Variants in HMCN1 observed in about 807,000 individuals in gnomAD.
The protein encoded by HMCN1 is hemicentin-1.
Under a neutral mutation model 625.9 loss-of-function variants are expected in HMCN1, and 321 were observed. The observed-to-expected ratio is 0.51, with a 90% confidence interval of 0.47 to 0.56. HMCN1 has a LOEUF of 0.56. Ranked by LOEUF, HMCN1 falls within the 20% of genes least tolerant of loss-of-function variation. The probability of loss-of-function intolerance (pLI) is 0.00; values close to 1 mark genes in which losing one functional copy is unlikely to be tolerated. For synonymous variants in HMCN1, 2,425 were observed against 2,417.6 expected (o/e 1.00, Z -0.09); for missense variants, 6,588 against 6,887.3 (o/e 0.96, Z 1.54).
At chr1:185,972,898 A>C (rs1282598710) in intron 15 of HMCN1, among the ~76,000 whole-genome samples, 1 of 152,146 alleles carries the variant, frequency 6.6e-6, no homozygotes, top group Non-Finnish European at 1.5e-5. Context: ...GTCTGTTCAC[A>C]TCACACTATT....
chr1:185,816,677 C>T (rs1659863258), intron 1 of HMCN1, among the ~76,000 whole-genome samples: 1 of 152,110 alleles, frequency 6.6e-6, no homozygotes, highest in Non-Finnish European at 1.5e-5. Context: ...AACTAATGCC[C>T]CAATGTGGGG....
intron 91 of HMCN1, among the ~76,000 whole-genome samples, chr1:186,145,050 G>A (rs1650226296): frequency 6.6e-6 from 1 of 152,212 alleles, no homozygotes; most frequent in Admixed American, 6.5e-5. Context: ...TTAGACCCTT[G>A]CAGCAACTTG....
chr1:185,769,904 GA>G, intron 1 of HMCN1, among the ~76,000 whole-genome samples: 1 of 152,234 alleles, frequency 6.6e-6, no homozygotes, highest in African/African-American at 2.4e-5. Flanking sequence ...AGGGAAGTGT[GA>G]AAACCCTCTT....
rs1163192575 is a variant in HMCN1 at position 186,117,006 on chromosome 1, A to T, written c.11574A>T (p.Ser3858=). The change falls in exon 76 of 107, where the codon TCA becomes TCT. Residue 3858 remains serine, a synonymous_variant. Transcript: ENST00000271588. The part of the protein sequence containing the change: ...QNQNSYRLLS[S]GSLVIISPSV... ...ATGTGTCTTCTAGGCTCCTTTCTTC[A>T]GGTTCACTAGTAATTATTTCCCCTT... The T allele has an allele frequency of 6.2e-7, 1 of 1,613,062 alleles. No individual in the cohort carries two copies. Among genetic ancestry groups the T allele is most frequent in the Middle Eastern group, 1.7e-4 (1 of 6,058 alleles).
chr1:186,094,957 G>T (rs1660050544), intron 67 of HMCN1, among the ~76,000 whole-genome samples: 1 of 152,054 alleles, frequency 6.6e-6, no homozygotes, highest in African/African-American at 2.4e-5. Context: ...ATTACAACAA[G>T]TTAAAGGGAT....
At chr1:186,034,860 G>C (rs1571752136) in intron 36 of HMCN1, among the ~76,000 whole-genome samples, 2 of 152,156 alleles carry the variant, frequency 1.3e-5, no homozygotes, top group South Asian at 4.1e-4. Context: ...TAGTGGAGGA[G>C]TAGATTTTTT....
intron 68 of HMCN1, among the ~76,000 whole-genome samples, chr1:186,098,982 G>A (rs1171344562): frequency 6.6e-6 from 1 of 152,108 alleles, no homozygotes; most frequent in Non-Finnish European, 1.5e-5. Context: ...TGATCTCATA[G>A]AAGTAGTGAA....
intron 4 of HMCN1, among the ~76,000 whole-genome samples, chr1:185,873,171 T>C (rs557648726): frequency 8.6e-4 from 131 of 152,160 alleles, no homozygotes; most frequent in Non-Finnish European, 1.6e-3. Flanking sequence ...CTAAATAAAA[T>C]ATCAAGTTTG....
At chr1:185,997,977 C>G (rs1652925293) in intron 25 of HMCN1, among the ~76,000 whole-genome samples, 1 of 152,044 alleles carries the variant, frequency 6.6e-6, no homozygotes, top group Non-Finnish European at 1.5e-5. Context: ...ACTGGTAATT[C>G]TAGGGCCAGC....
intron 4 of HMCN1, among the ~76,000 whole-genome samples, chr1:185,889,339 A>G (rs1382349867): frequency 2.8e-4 from 40 of 145,432 alleles, no homozygotes; most frequent in African/African-American, 1.1e-3. Flanking sequence ...AGAACTTCCA[A>G]CACTATGTTG....
intron 40 of HMCN1, among the ~76,000 whole-genome samples, chr1:186,043,328 G>C (rs976359027): frequency 6.6e-6 from 1 of 152,008 alleles, no homozygotes; most frequent in African/African-American, 2.4e-5. Context: ...TTGGAAATGA[G>C]AGACAGGACA....
chr1:186,185,382 C>T (rs1653225080), intron 105 of HMCN1, among the ~76,000 whole-genome samples: 1 of 152,166 alleles, frequency 6.6e-6, no homozygotes, highest in African/African-American at 2.4e-5. Context: ...TTTCAAGTCA[C>T]TGAGACAATC....
chr1:186,170,789 T>C (rs1227065501), intron 100 of HMCN1, among the ~76,000 whole-genome samples: 1 of 151,946 alleles, frequency 6.6e-6, no homozygotes, highest in Non-Finnish European at 1.5e-5. Flanking sequence ...GTTTGAGGAG[T>C]TCATGCCTGC....
intron 4 of HMCN1, among the ~76,000 whole-genome samples, chr1:185,885,593 T>C (rs559255937): frequency 1.3e-5 from 2 of 152,084 alleles, no homozygotes; most frequent in East Asian, 3.9e-4. Context: ...TATGTTTCTA[T>C]ATTCAGTCCT....
At chr1:185,959,749 C>T (rs994544422) in intron 11 of HMCN1, among the ~76,000 whole-genome samples, 21 of 152,110 alleles carry the variant, frequency 1.4e-4, no homozygotes, top group South Asian at 1.0e-3. Flanking sequence ...AATTGAACTC[C>T]GGACTTCTAA....
Position 185,974,548 on chromosome 1 carries a change from G to C in HMCN1, c.2372-3239G>C, listed in dbSNP as rs142560326. 5.7e-3 allele frequency among the ~76,000 whole-genome samples: 860 copies of C among 152,206 alleles called. 7 individuals carry two copies. The highest frequency in any genetic ancestry group is 0.016 in the African/African-American group (668 of 41,546). On this transcript the variant is annotated intron_variant, in intron 15 of 106. Coordinates refer to ENST00000271588, the MANE Select transcript of HMCN1 (RefSeq NM_031935.3). ...CTCCTCTGTAGAAGCACCGTGCACCGTACTACACTCACTGCTGTTCTTCTT... is the reference window on the plus strand; with the variant it reads ...CTCCTCTGTAGAAGCACCGTGCACCCTACTACACTCACTGCTGTTCTTCTT...
chr1:185,996,001 G>A lies in HMCN1; in HGVS notation c.3778+914G>A, dbSNP rs574537367. On this transcript the variant is annotated intron_variant, in intron 24 of 106. Transcript: ENST00000271588. ...GTACTAAGGTACCTGGCCCATTGTA[G>A]TTTTGTTGGATGGTTGGCTAGGACA... Among the ~76,000 whole-genome samples the A allele has an allele frequency of 2.0e-5, 3 of 152,260 alleles. No individual in the cohort carries two copies. In the South Asian group the frequency reaches 6.2e-4, roughly 32 times the overall value.
chr1:186,053,849 T>C lies in HMCN1; in HGVS notation c.6725T>C (p.Met2242Thr), dbSNP rs1238147060. 5 of 1,612,682 alleles carry C rather than the reference T, an allele frequency of 3.1e-6. No individual in the cohort carries two copies. Among genetic ancestry groups the C allele is most frequent in the Non-Finnish European group, 4.2e-6 (5 of 1,179,136 alleles). The change falls in exon 44 of 107, where the codon ATG becomes ACG. Residue 2242 changes from methionine (M) to threonine (T), a missense_variant. By Grantham distance (81) the Met-to-Thr change is moderately conservative (BLOSUM62 -1). Coordinates refer to ENST00000271588, the MANE Select transcript of HMCN1 (RefSeq NM_031935.3). The part of the protein sequence containing the change: ...KKGSPVLTDS[M>T]GRVRILSGGR... ...GGCTCTCCAGTGCTGACTGATTCCA[T>C]GGGGCGAGTTAGAATTTTATCTGGG...
chr1:185,803,205 C>CAAAAAAAAAAAAAAAAAAA lies in HMCN1; in HGVS notation c.269-42803_269-42802insAAAAAAAAAAAAAAAAAAA. 7.1e-3 allele frequency among the ~76,000 whole-genome samples: 414 copies of CAAAAAAAAAAAAAAAAAAA among 58,668 alleles called. 2 individuals carry two copies. The highest frequency in any genetic ancestry group is 0.017 in the East Asian group (26 of 1,540). The allele number at this position is 58,668 out of a possible 152,430, so 38.5% of individuals were successfully genotyped here. On this transcript the variant is annotated intron_variant, in intron 1 of 106. Transcript: ENST00000271588. ...AGCAGAACCAAAAAAAAAAAAAAAG[C>CAAAAAAAAAAAAAAAAAAA]AAAAAAAAAAAAAAAAAACAAAACA...
Sources: gnomAD v4.1 joint callset for allele counts (sites outside exome capture counted in the v4.1 genomes callset) on GRCh38, gnomAD v4.1.1 for gene constraint, MANE v1.5 for transcripts, NCBI Gene and HGNC (gene_info 2026-07-23, HGNC 2026-07-21) for gene names.